Variants in PALD1 observed in about 807,000 individuals in gnomAD.
PALD1 encodes the protein phosphatase domain containing paladin 1, also known as paladin.
Under a neutral mutation model 96.0 loss-of-function variants are expected in PALD1, and 57 were observed. The ratio of observed to expected loss-of-function variants is 0.59; its 90% confidence interval spans 0.48 to 0.74. The LOEUF (loss-of-function observed/expected upper bound fraction) is 0.74, where lower values mean the gene tolerates loss of function less well. Ranked by LOEUF, PALD1 falls within the 30% of genes least tolerant of loss-of-function variation. The probability of loss-of-function intolerance (pLI) is 0.00; values close to 1 mark genes in which losing one functional copy is unlikely to be tolerated. For missense variants in PALD1, 1,063 were observed against 1,143.7 expected (o/e 0.93, Z 1.02); for synonymous variants, 464 against 473.6 (o/e 0.98, Z 0.26).
chr10:70,459,267 G>A, the PALD1 span, among the ~76,000 whole-genome samples: 3 of 152,246 alleles, frequency 2.0e-5, no homozygotes, highest in South Asian at 6.2e-4. Flanking sequence ...GGGGCTCGGA[G>A]AGGTGAAGTC....
intron 5 of PALD1, among the ~76,000 whole-genome samples, chr10:70,532,037 T>C (rs1847004347): frequency 6.6e-6 from 1 of 151,228 alleles, no homozygotes; most frequent in African/African-American, 2.4e-5. Flanking sequence ...AAAAGAGCGC[T>C]AGACCAGAAG....
chr10:70,537,353 C>G (rs1337040168), intron 10 of PALD1, among the ~76,000 whole-genome samples: 3 of 152,224 alleles, frequency 2.0e-5, no homozygotes, highest in Non-Finnish European at 4.4e-5. Context: ...ATCTGGCTGT[C>G]TCAGCCTCCC....
At chr10:70,553,818 C>T (rs1054414192) in intron 18 of PALD1, among the ~76,000 whole-genome samples, 2 of 152,200 alleles carry the variant, frequency 1.3e-5, no homozygotes, top group Admixed American at 1.3e-4. Context: ...GGAAACAGAA[C>T]TGGAAGCCAT....
rs776639206 is a variant in PALD1 at position 70,541,499 on chromosome 10, G to T, written c.2086G>T (p.Val696Leu). 1 of 1,613,922 alleles carries T rather than the reference G, an allele frequency of 6.2e-7. No homozygotes were observed. Among genetic ancestry groups the T allele is most frequent in the South Asian group, 1.1e-5 (1 of 91,026 alleles). ...PEVGEEELVS[V>L]PDAKFTKGEF... Reference sequence around the variant, plus strand: ...GGTGGGTGAGGAGGAGCTCGTGAGTGTGCCTGATGCCAAGTTCACTAAGGG... The same window carrying T: ...GGTGGGTGAGGAGGAGCTCGTGAGTTTGCCTGATGCCAAGTTCACTAAGGG... Residue 696 changes from valine (V) to leucine (L), a missense_variant, in exon 17 of 20, where the codon GTG (valine) becomes TTG (leucine). Physicochemically the swap from Val to Leu is conservative, Grantham distance 32 (BLOSUM62 1). Coordinates refer to ENST00000263563, the MANE Select transcript of PALD1 (RefSeq NM_014431.3).
At chr10:70,554,560 C>T (rs999106789) in intron 18 of PALD1, among the ~76,000 whole-genome samples, 3 of 152,292 alleles carry the variant, frequency 2.0e-5, no homozygotes, top group African/African-American at 4.8e-5. Flanking sequence ...CCAACATGGC[C>T]GCCAGCCCAG....
rs1246394445 is a variant in PALD1, at chr10:70,564,362, A to C, written c.2263-2A>C. 1.4e-5 allele frequency: 23 copies of C among 1,611,704 alleles called. No individual in the cohort carries two copies. Among genetic ancestry groups the C allele is most frequent in the Non-Finnish European group, 2.0e-5 (23 of 1,178,810 alleles). Reference sequence around the variant, plus strand: ...CTGACCCCACCCTGTCCTGTCCTCCAGGCGAAGGCAGCGAAAGAGGCGCAA... The same window carrying C: ...CTGACCCCACCCTGTCCTGTCCTCCCGGCGAAGGCAGCGAAAGAGGCGCAA... On this transcript the variant is annotated splice_acceptor_variant, in intron 18 of 19. Coordinates refer to ENST00000263563, the MANE Select transcript of PALD1 (RefSeq NM_014431.3). LOFTEE classifies it high-confidence loss of function.
chr10:70,541,380 C>A, intron 16 of PALD1, 83 bp from the exon 17 acceptor site: 1 of 1,536,426 alleles, frequency 6.5e-7, no homozygotes, highest in African/African-American at 1.4e-5. Flanking sequence ...TTCCATCAGT[C>A]TTGGGCAGCC....
At chr10:70,519,248 T>C (rs1461333467) in intron 1 of PALD1, among the ~76,000 whole-genome samples, 1 of 152,182 alleles carries the variant, frequency 6.6e-6, no homozygotes, top group Non-Finnish European at 1.5e-5. Flanking sequence ...TGGCCTCTAA[T>C]ATTTCAGTCC....
At chr10:70,507,533 C>T (rs938771519) in intron 1 of PALD1, among the ~76,000 whole-genome samples, 2 of 152,192 alleles carry the variant, frequency 1.3e-5, no homozygotes, top group East Asian at 1.9e-4. Flanking sequence ...GTGATCCTCC[C>T]ACCTTAGCCT....
chr10:70,501,849 A>G (rs1462624873), intron 1 of PALD1, among the ~76,000 whole-genome samples: 1 of 40,928 alleles, frequency 2.4e-5, no homozygotes, highest in Non-Finnish European at 8.0e-5. Flanking sequence ...GCGTGCATGC[A>G]TACCTGTGTT....
intron 1 of PALD1, among the ~76,000 whole-genome samples, chr10:70,496,037 A>ACAACAG (rs1007356202): frequency 6.6e-6 from 1 of 151,776 alleles, no homozygotes; most frequent in Non-Finnish European, 1.5e-5. Flanking sequence ...AACAACAACA[A>ACAACAG]CAGCAGTAAC....
chr10:70,508,462 G>A (rs1846438725), intron 1 of PALD1, among the ~76,000 whole-genome samples: 1 of 152,170 alleles, frequency 6.6e-6, no homozygotes, highest in Non-Finnish European at 1.5e-5. Flanking sequence ...CGTGCTCCTG[G>A]ACTGCCACAT....
At chr10:70,483,177 G>A (rs143981129) in intron 1 of PALD1, among the ~76,000 whole-genome samples, 49 of 152,258 alleles carry the variant, frequency 3.2e-4, no homozygotes, top group South Asian at 6.2e-4. Flanking sequence ...GATACTTCAC[G>A]TGGGCTTTGA....
At chr10:70,500,743 T>C (rs547736883) in intron 1 of PALD1, among the ~76,000 whole-genome samples, 1 of 152,280 alleles carries the variant, frequency 6.6e-6, no homozygotes, top group African/African-American at 2.4e-5. Context: ...TTGGGGATTA[T>C]AGGGGTGGGG....
chr10:70,549,665 G>A (rs1036559023), intron 18 of PALD1, among the ~76,000 whole-genome samples: 13 of 152,360 alleles, frequency 8.5e-5, no homozygotes, highest in African/African-American at 3.1e-4. Flanking sequence ...AAGGTGGTTC[G>A]GTGCCCGCAT....
chr10:70,533,958 G>T lies in PALD1; in HGVS notation c.907G>T (p.Gly303Trp). The T allele has an allele frequency of 6.2e-7, 1 of 1,611,578 alleles. No homozygotes were observed. Residue 303 changes from glycine (G) to tryptophan (W), a missense_variant, in exon 8 of 20, where the codon GGG becomes TGG. Gly to Trp is a radical substitution (Grantham distance 184). Transcript: ENST00000263563. ...CCTGCTGCAGCTCCGTGATGCCCAC[G>T]GGCCTCCCCCAGCCCTCGTCTTCAG... ...PSLLQLRDAH[G>W]PPPALVFSCQ...
chr10:70,500,871 A>C (rs1846280164), intron 1 of PALD1, among the ~76,000 whole-genome samples: 1 of 152,134 alleles, frequency 6.6e-6, no homozygotes, highest in Non-Finnish European at 1.5e-5. Flanking sequence ...GAAGAGGACA[A>C]TGTGTGAAAT....
the PALD1 span, among the ~76,000 whole-genome samples, chr10:70,466,647 C>T: frequency 6.6e-6 from 1 of 152,222 alleles, no homozygotes; most frequent in Non-Finnish European, 1.5e-5. Flanking sequence ...TCTTCTCAGG[C>T]TGGAACTCCT....
chr10:70,541,525 T>C lies in PALD1; in HGVS notation c.2112T>C (p.Gly704=), dbSNP rs753009453. Residue 704 remains glycine (G), a synonymous_variant, in exon 17 of 20, where the codon GGT becomes GGC. Transcript: ENST00000263563. ...TGCCTGATGCCAAGTTCACTAAGGG[T>C]GAATTTCAGGTGAGCATGCCCTGCG... is the stretch of plus-strand genomic sequence containing the variant. ...VSVPDAKFTK[G]EFQVVMKVVQ... is the part of the protein sequence containing the mutation. 3 of 1,612,984 alleles carry C rather than the reference T, an allele frequency of 1.9e-6. No homozygotes were observed. Among genetic ancestry groups the C allele is most frequent in the Non-Finnish European group, 2.5e-6 (3 of 1,179,430 alleles).
Sources: gnomAD v4.1 joint callset for allele counts (sites outside exome capture counted in the v4.1 genomes callset) on GRCh38, gnomAD v4.1.1 for gene constraint, MANE v1.5 for transcripts, NCBI Gene and HGNC (gene_info 2026-07-23, HGNC 2026-07-21) for gene names.